Variants in QTMAN observed in about 807,000 individuals in gnomAD.
The protein encoded by QTMAN is queuosine-tRNA mannosyltransferase, also known as tRNA-queuosine alpha-mannosyltransferase.
the QTMAN span, among the ~76,000 whole-genome samples, chr2:143,960,216 T>C: frequency 6.6e-6 from 1 of 152,216 alleles, no homozygotes; most frequent in Middle Eastern, 3.4e-3. Flanking sequence ...TATTGAAGTA[T>C]GTATGATAAG....
the QTMAN span, among the ~76,000 whole-genome samples, chr2:144,274,827 T>C: frequency 2.0e-5 from 3 of 152,134 alleles, no homozygotes; most frequent in South Asian, 2.1e-4. Flanking sequence ...CCCTGATTTA[T>C]ACCTTACACC....
the QTMAN span, among the ~76,000 whole-genome samples, chr2:144,219,134 C>A: frequency 1.3e-5 from 2 of 150,460 alleles, no homozygotes. Flanking sequence ...TTTTTTAATT[C>A]TTCTTCTTCT....
chr2:144,330,088 G>C, the QTMAN span, among the ~76,000 whole-genome samples: 3 of 152,278 alleles, frequency 2.0e-5, no homozygotes, highest in Admixed American at 6.5e-5. Flanking sequence ...ATGCGAGATT[G>C]GGCGTGCTGG....
At chr2:144,321,769 A>AT in the QTMAN span, among the ~76,000 whole-genome samples, 123 of 150,298 alleles carry the variant, frequency 8.2e-4, no homozygotes, top group African/African-American at 2.8e-3. Context: ...CACCGGGCTA[A>AT]TTTTTTTTTT....
the QTMAN span, chr2:144,128,463 G>T: frequency 6.6e-6 from 1 of 152,060 alleles, no homozygotes; most frequent in African/African-American, 2.4e-5. Context: ...TGAAATATTT[G>T]AGACTCTTCT....
the QTMAN span, among the ~76,000 whole-genome samples, chr2:144,215,255 A>C: frequency 1.3e-5 from 2 of 148,962 alleles, no homozygotes; most frequent in African/African-American, 5.1e-5. Context: ...TTTTTAAAAA[A>C]AAAAAAATAT....
At chr2:143,974,072 ATAAAGCAT>A in the QTMAN span, among the ~76,000 whole-genome samples, 1 of 152,226 alleles carries the variant, frequency 6.6e-6, no homozygotes, top group African/African-American at 2.4e-5. Context: ...TGATTTTAGA[ATAAAGCAT>A]TAAATACATA....
At chr2:144,038,967 C>A in the QTMAN span, among the ~76,000 whole-genome samples, 1 of 152,078 alleles carries the variant, frequency 6.6e-6, no homozygotes, top group Non-Finnish European at 1.5e-5. Flanking sequence ...GGCGAATACA[C>A]AACTGAGATT....
At chr2:144,182,835 A>ATATATTATATATATAATATATG in the QTMAN span, among the ~76,000 whole-genome samples, 1 of 69,212 alleles carries the variant, frequency 1.4e-5, no homozygotes, top group Non-Finnish European at 2.5e-5. Flanking sequence ...TATAATATAT[A>ATATATTATATATATAATATATG]TATATTATAT....
At chr2:144,267,483 G>A in the QTMAN span, among the ~76,000 whole-genome samples, 2 of 152,158 alleles carry the variant, frequency 1.3e-5, no homozygotes, top group African/African-American at 4.8e-5. Flanking sequence ...TGACCTTCAC[G>A]AGTGCAGTTC....
chr2:144,111,686 T>C, the QTMAN span, among the ~76,000 whole-genome samples: 9 of 152,170 alleles, frequency 5.9e-5, no homozygotes, highest in Non-Finnish European at 1.3e-4. Context: ...CAGCATTTGT[T>C]ATCTTTAAAT....
chr2:144,301,815 C>T, the QTMAN span, among the ~76,000 whole-genome samples: 1 of 152,200 alleles, frequency 6.6e-6, no homozygotes, highest in Non-Finnish European at 1.5e-5. Context: ...ACTGCCACTC[C>T]TCCAGGAGGC....
chr2:144,325,985 A>T, the QTMAN span, among the ~76,000 whole-genome samples: 1 of 152,240 alleles, frequency 6.6e-6, no homozygotes. Context: ...TCAAAACAAT[A>T]ACTGGGATTG....
At chr2:143,994,933 A>T in the QTMAN span, among the ~76,000 whole-genome samples, 1 of 152,206 alleles carries the variant, frequency 6.6e-6, no homozygotes, top group South Asian at 2.1e-4. Context: ...TAATGTGCTT[A>T]AAAATATGAC....
At chr2:144,025,370 T>C in the QTMAN span, among the ~76,000 whole-genome samples, 39 of 152,236 alleles carry the variant, frequency 2.6e-4, no homozygotes, top group African/African-American at 9.1e-4. Flanking sequence ...GTGATGGCCC[T>C]GATTTGAGAT....
chr2:143,990,868 T>C, the QTMAN span, among the ~76,000 whole-genome samples: 1 of 152,128 alleles, frequency 6.6e-6, no homozygotes, highest in Non-Finnish European at 1.5e-5. Flanking sequence ...TTTAAGTGTT[T>C]AAAGAAATAA....
chr2:144,250,133 T>G, the QTMAN span, among the ~76,000 whole-genome samples: 1,805 of 145,842 alleles, frequency 0.012, 35 homozygotes, highest in African/African-American at 0.045. Flanking sequence ...GTTTTTTTTT[T>G]TTGTTTGTTT....
chr2:143,955,139 A>G, the QTMAN span, among the ~76,000 whole-genome samples: 1 of 152,196 alleles, frequency 6.6e-6, no homozygotes, highest in East Asian at 1.9e-4. Context: ...GTGACACCTG[A>G]GTCTACTAAT....
At chr2:144,137,844 G>A in the QTMAN span, among the ~76,000 whole-genome samples, 1 of 152,090 alleles carries the variant, frequency 6.6e-6, no homozygotes, top group East Asian at 1.9e-4. Context: ...TTAATAGAAT[G>A]CAGGGTGGAT....
Sources: allele counts gnomAD v4.1 joint callset (sites outside exome capture counted in the v4.1 genomes callset), GRCh38; gene constraint gnomAD v4.1.1; transcripts MANE v1.5; gene names NCBI Gene and HGNC (gene_info 2026-07-23, HGNC 2026-07-21).